Variants in ZFHX3 observed in about 807,000 individuals in gnomAD.
ZFHX3 encodes zinc finger homeobox 3, also known as zinc finger homeobox protein 3.
Under a neutral mutation model 279.1 loss-of-function variants are expected in ZFHX3, and 42 were observed. The ratio of observed to expected loss-of-function variants is 0.15; its 90% CI spans 0.12 to 0.19. The LOEUF is 0.19. Ranked by LOEUF, ZFHX3 falls within the 10% of genes least tolerant of loss-of-function variation. The probability of loss-of-function intolerance (pLI) is 1.00; values close to 1 mark genes in which losing one functional copy is unlikely to be tolerated. For synonymous variants in ZFHX3, 2,293 were observed against 1,957.8 expected (o/e 1.17, Z -4.52); for missense variants, 4,981 against 4,754.0 (o/e 1.05, Z -1.40).
At chr16:73,883,876 G>T (rs1287021876) in intron 1 of ZFHX3, among the ~76,000 whole-genome samples, 1 of 152,116 alleles carries the variant, frequency 6.6e-6, no homozygotes, top group Non-Finnish European at 1.5e-5. Context: ...TAGGAAAAGA[G>T]AAGGGGAGAA....
intron 4 of ZFHX3, among the ~76,000 whole-genome samples, chr16:72,839,253 G>A (rs950538227): frequency 6.6e-5 from 10 of 151,482 alleles, no homozygotes; most frequent in African/African-American, 9.7e-5. Context: ...ATGTCAGCGC[G>A]ACGACAAAGG....
chr16:72,952,510 G>A (rs910275171), intron 2 of ZFHX3, among the ~76,000 whole-genome samples: 1 of 152,164 alleles, frequency 6.6e-6, no homozygotes, highest in South Asian at 2.1e-4. Flanking sequence ...TAGGACAGGG[G>A]TCCAGTCTTA....
At chr16:72,954,775 G>A (rs1178244093) in intron 2 of ZFHX3, among the ~76,000 whole-genome samples, 3 of 152,198 alleles carry the variant, frequency 2.0e-5, no homozygotes, top group Admixed American at 6.5e-5. Context: ...ACTAGGCGAA[G>A]GAGCCCCAAG....
At chr16:73,694,960 T>A (rs1478014362) in intron 1 of ZFHX3, among the ~76,000 whole-genome samples, 1 of 152,296 alleles carries the variant, frequency 6.6e-6, no homozygotes, top group East Asian at 1.9e-4. Flanking sequence ...AGCCAAGTAC[T>A]CCACTAAGCT....
At chr16:73,086,668 T>A (rs1042262316) in intron 8 of ZFHX3, among the ~76,000 whole-genome samples, 1 of 152,158 alleles carries the variant, frequency 6.6e-6, no homozygotes, top group Non-Finnish European at 1.5e-5. Flanking sequence ...TTTGGGAAGC[T>A]GAGGCAGGGA....
chr16:73,286,979 C>CGTGTGGGTGTGTGGGTCAGT (rs2014623499), intron 4 of ZFHX3, among the ~76,000 whole-genome samples: 1 of 73,544 alleles, frequency 1.4e-5, no homozygotes, highest in Non-Finnish European at 2.8e-5. Context: ...TGTGGGTCAG[C>CGTGTGGGTGTGTGGGTCAGT]GTGTGGGTGT....
chr16:72,974,785 G>C (rs1050567368), intron 1 of ZFHX3, among the ~76,000 whole-genome samples: 2 of 152,136 alleles, frequency 1.3e-5, no homozygotes, highest in Non-Finnish European at 2.9e-5. Flanking sequence ...AATCGTACAC[G>C]GGGTCTTCCC....
At chr16:73,466,461 AAC>A (rs761115789) in intron 2 of ZFHX3, among the ~76,000 whole-genome samples, 37 of 152,154 alleles carry the variant, frequency 2.4e-4, no homozygotes, top group Non-Finnish European at 4.6e-4. Context: ...CAGCTTGGGT[AAC>A]AGAGTGAGAC....
intron 2 of ZFHX3, among the ~76,000 whole-genome samples, chr16:73,601,702 C>G (rs1407045907): frequency 6.6e-6 from 1 of 152,128 alleles, no homozygotes; most frequent in African/African-American, 2.4e-5. Context: ...CACCTTTACC[C>G]CATCAGATAT....
chr16:73,436,884 C>T (rs1430509762), intron 3 of ZFHX3, among the ~76,000 whole-genome samples: 1 of 152,102 alleles, frequency 6.6e-6, no homozygotes, highest in African/African-American at 2.4e-5. Flanking sequence ...CTTCCCAAGA[C>T]CCTCCAGTGA....
At chr16:73,794,649 C>A (rs1959939818) in intron 1 of ZFHX3, among the ~76,000 whole-genome samples, 2 of 152,188 alleles carry the variant, frequency 1.3e-5, no homozygotes, top group Admixed American at 1.3e-4. Flanking sequence ...CAAACTCATT[C>A]ACATCAAGTG....
chr16:73,004,929 T>A lies in ZFHX3; in HGVS notation c.-50+42823A>T, dbSNP rs147373558. Among the ~76,000 whole-genome samples the A allele has an allele frequency of 9.1e-3, 1,394 of 152,362 alleles. 11 individuals carry two copies. The highest frequency in any genetic ancestry group is 0.051 in the Middle Eastern group (15 of 294). ...CTGGAATGGATGGTAACATATGCTA[T>A]GAAAAATGGCTCTAACCTAATTTTT... On this transcript the variant is annotated intron_variant, in intron 1 of 9. Coordinates refer to ENST00000268489, the MANE Select transcript of ZFHX3 (RefSeq NM_006885.4).
At chr16:73,527,554 G>A (rs1269681718) in intron 2 of ZFHX3, among the ~76,000 whole-genome samples, 1 of 152,170 alleles carries the variant, frequency 6.6e-6, no homozygotes, top group Non-Finnish European at 1.5e-5. Context: ...GAGTATAGGA[G>A]GGACCTAGGG....
intron 2 of ZFHX3, among the ~76,000 whole-genome samples, chr16:73,522,942 C>A (rs1465529218): frequency 6.6e-6 from 1 of 152,132 alleles, no homozygotes; most frequent in Non-Finnish European, 1.5e-5. Context: ...ATCAGATCTC[C>A]TGAGAATTCA....
intron 5 of ZFHX3, among the ~76,000 whole-genome samples, chr16:73,226,168 G>A (rs755578114): frequency 2.2e-4 from 33 of 152,164 alleles, no homozygotes; most frequent in Non-Finnish European, 2.5e-4. Flanking sequence ...TAGCCATGTA[G>A]GCAGGACAAC....
chr16:73,686,866 T>C (rs2053090272), intron 1 of ZFHX3, among the ~76,000 whole-genome samples: 1 of 151,546 alleles, frequency 6.6e-6, no homozygotes, highest in Non-Finnish European at 1.5e-5. Context: ...AGCCAAGTTG[T>C]TTGGGGTGCA....
At chr16:73,171,973 A>G (rs35036246) in intron 5 of ZFHX3, among the ~76,000 whole-genome samples, 1 of 152,084 alleles carries the variant, frequency 6.6e-6, no homozygotes, top group African/African-American at 2.4e-5. Context: ...CACAATGATT[A>G]TGTATCAATA....
chr16:73,377,181 A>G (rs1184398950), intron 3 of ZFHX3, among the ~76,000 whole-genome samples: 1 of 152,132 alleles, frequency 6.6e-6, no homozygotes, highest in Admixed American at 6.5e-5. Flanking sequence ...CATATTGGCC[A>G]GGCTGGTCTT....
At chr16:73,824,259 A>G (rs966953854) in intron 1 of ZFHX3, among the ~76,000 whole-genome samples, 6 of 152,188 alleles carry the variant, frequency 3.9e-5, no homozygotes, top group African/African-American at 1.4e-4. Flanking sequence ...TCATCTTATC[A>G]GGACAGAGTT....
Sources: gnomAD v4.1 joint callset for allele counts (sites outside exome capture counted in the v4.1 genomes callset) on GRCh38, gnomAD v4.1.1 for gene constraint, MANE v1.5 for transcripts, NCBI Gene and HGNC (gene_info 2026-07-23, HGNC 2026-07-21) for gene names.